ABCG5: variants seen among roughly 807,000 people sequenced by gnomAD.
ABCG5 encodes the protein ATP-binding cassette sub-family G member 5.
Under a neutral mutation model 64.5 loss-of-function variants are expected in ABCG5, and 64 were observed. That is an observed-to-expected ratio of 0.99 (90% CI 0.81 to 1.22). The LOEUF is 1.22. Ranked by LOEUF, ABCG5 falls within the 50% of genes most tolerant of loss-of-function variation. ABCG5 has a pLI of 0.00. For synonymous variants in ABCG5, 385 were observed against 326.3 expected (o/e 1.18, Z -1.94); for missense variants, 908 against 829.5 (o/e 1.09, Z -1.16).
chr2:43,825,311 C>T (rs1310463458), intron 6 of ABCG5, among the ~76,000 whole-genome samples: 1 of 152,162 alleles, frequency 6.6e-6, no homozygotes, highest in Non-Finnish European at 1.5e-5. Flanking sequence ...ACAAGCATGA[C>T]TGGACCTGGG....
Position 43,826,374 on chromosome 2 carries a change from C to A in ABCG5, c.774+8G>T. Reference sequence around the variant, plus strand: ...ATAGACCCGGCCTTTACGAGTTGAACCTCTTACCTGAAAAAGCTCAGAACG... The same window carrying A: ...ATAGACCCGGCCTTTACGAGTTGAAACTCTTACCTGAAAAAGCTCAGAACG... On this transcript the variant is annotated splice_region_variant and intron_variant, in intron 6 of 12. Coordinates refer to ENST00000405322, the MANE Select transcript of ABCG5 (RefSeq NM_022436.3). 6.2e-7 allele frequency: 1 copy of A among 1,613,934 alleles called. No individual in the cohort carries two copies. The highest frequency in any genetic ancestry group is 8.5e-7 in the Non-Finnish European group (1 of 1,179,970).
chr2:43,819,565 C>T lies in ABCG5; in HGVS notation c.1649+350G>A, dbSNP rs185727995. The stretch of plus-strand genomic sequence containing the variant: ...CAGTTCACACTCAACAGTACCAGGT[C>T]AGAAATGAACTAATGCATGCAATTT... On this transcript the variant is annotated intron_variant, in intron 11 of 12. Coordinates refer to ENST00000405322, the MANE Select transcript of ABCG5 (RefSeq NM_022436.3). 2.6e-5 allele frequency among the ~76,000 whole-genome samples: 4 copies of T among 151,742 alleles called. No individual in the cohort carries two copies. The East Asian group carries it at 7.8e-4, about 29-fold the overall frequency.
At position 43,838,016 on chromosome 2, in the gene ABCG5, G is replaced by T; in HGVS notation, c.144-61C>A. 6.2e-7 allele frequency: 1 copy of T among 1,610,234 alleles called. No individual in the cohort carries two copies. On this transcript the variant is annotated intron_variant, in intron 1 of 12. Transcript: ENST00000405322. The surrounding 1 kb of genome is among the most constrained non-coding windows in gnomAD (Gnocchi z 4.2). Reference sequence around the variant, plus strand: ...GGGGCCCTGGAAGGGGCCACACCCAGGTCCCCAGCATTGATCCTACCTGTG... The same window carrying T: ...GGGGCCCTGGAAGGGGCCACACCCATGTCCCCAGCATTGATCCTACCTGTG...
chr2:43,815,961 T>C (rs955568517), intron 11 of ABCG5, among the ~76,000 whole-genome samples: 4 of 147,204 alleles, frequency 2.7e-5, no homozygotes, highest in Non-Finnish European at 6.0e-5. Context: ...AACTATGAGA[T>C]GACAAAGGCC....
At chr2:43,811,798 G>T (rs1331904724), downstream of ABCG5, among the ~76,000 whole-genome samples, 2 of 152,118 alleles carry the variant, frequency 1.3e-5, no homozygotes, top group Non-Finnish European at 2.9e-5. Flanking sequence ...GTTTCACCAT[G>T]TTGGCCAGGA....
rs1326945779 is a variant in ABCG5, at chr2:43,826,366, G to A, written c.774+16C>T. ...AACACACCATAGACCCGGCCTTTAC[G>A]AGTTGAACCTCTTACCTGAAAAAGC... On this transcript the variant is annotated intron_variant, in intron 6 of 12. Coordinates refer to ENST00000405322, the MANE Select transcript of ABCG5 (RefSeq NM_022436.3). 11 of 1,613,610 alleles carry A rather than the reference G, an allele frequency of 6.8e-6. No homozygotes were observed. The highest frequency in any genetic ancestry group is 2.2e-5 in the South Asian group (2 of 91,052).
intron 11 of ABCG5, 95 bp downstream of exon 11, chr2:43,819,820 A>G (rs913491714): frequency 9.0e-6 from 12 of 1,340,084 alleles, no homozygotes; most frequent in African/African-American, 1.5e-5. Flanking sequence ...CATAACCACT[A>G]TCAGTTCTCT....
Position 43,813,709 on chromosome 2 carries a change from G to GTTTTTTTTTTTTTTTT in ABCG5, c.1763-416_1763-401dup, listed in dbSNP as rs1214033245. Among the ~76,000 whole-genome samples, 80 of 34,058 alleles carry GTTTTTTTTTTTTTTTT rather than the reference G, an allele frequency of 2.3e-3. 3 individuals carry two copies. Among genetic ancestry groups the GTTTTTTTTTTTTTTTT allele is most frequent in the African/African-American group, 4.0e-3 (31 of 7,822 alleles). 22.3% of individuals were successfully genotyped at this position (34,058 alleles called of 152,430 possible). A position where few individuals can be genotyped will look rare whatever the true frequency, so the allele number is the denominator to read the frequency against. ...TGTTTTTTTTGGGGTTTTTTTTTTC[G>GTTTTTTTTTTTTTTTT]TTTTTTTTTTTTTTTTTTTTTTTTT... On this transcript the variant is annotated intron_variant, in intron 12 of 12. Transcript: ENST00000405322.
Position 43,838,371 on chromosome 2 carries a change from T to G in ABCG5, c.143+166A>C. 1.4e-6 allele frequency: 1 copy of G among 693,032 alleles called. No individual in the cohort carries two copies. Among genetic ancestry groups the G allele is most frequent in the Non-Finnish European group, 2.4e-6 (1 of 419,552 alleles). 42.9% of individuals were successfully genotyped at this position (693,032 alleles called of 1,614,324 possible). On this transcript the variant is annotated intron_variant, in intron 1 of 12. Transcript: ENST00000405322. This position sits in a 1 kb window ranked among gnomAD's most constrained non-coding sequence, Gnocchi z 4.2. ...GGAGGGGCCATTCACTGTCGCTCCATGTTTCCCAGCACAGCCCTTCTCCCT... is the reference window on the plus strand; with the variant it reads ...GGAGGGGCCATTCACTGTCGCTCCAGGTTTCCCAGCACAGCCCTTCTCCCT...
intron 6 of ABCG5, 100 bp from the exon 7 acceptor site, chr2:43,825,118 C>T: frequency 7.0e-7 from 1 of 1,429,964 alleles, no homozygotes; most frequent in Non-Finnish European, 9.7e-7. Flanking sequence ...TCAGGTATTC[C>T]TTATGGTCAC....
Position 43,838,334 on chromosome 2 carries a change from C to G in ABCG5, c.143+203G>C. ...CCACTTTGTTTATGCCCAGGCCCTTCCCTGGGCAGGGGGAGGGGCCATTCA... is the reference window on the plus strand; with the variant it reads ...CCACTTTGTTTATGCCCAGGCCCTTGCCTGGGCAGGGGGAGGGGCCATTCA... On this transcript the variant is annotated intron_variant, in intron 1 of 12. Coordinates refer to ENST00000405322, the MANE Select transcript of ABCG5 (RefSeq NM_022436.3). The surrounding 1 kb of genome is among the most constrained non-coding windows in gnomAD (Gnocchi z 4.2). 1 of 625,692 alleles carries G rather than the reference C, an allele frequency of 1.6e-6. No individual in the cohort carries two copies. Among genetic ancestry groups the G allele is most frequent in the South Asian group, 2.0e-5 (1 of 50,558 alleles). 38.8% of individuals were successfully genotyped at this position (625,692 alleles called of 1,614,324 possible).
chr2:43,838,825 C>T lies in ABCG5; in HGVS notation c.-146G>A, dbSNP rs993141324. The T allele has an allele frequency of 1.4e-5, 20 of 1,450,844 alleles. No homozygotes were observed. Among genetic ancestry groups the T allele is most frequent in the African/African-American group, 5.6e-5 (4 of 70,934 alleles). 89.9% of individuals were successfully genotyped at this position (1,450,844 alleles called of 1,614,324 possible). ...GGACAGCAGGACTGGGACTTGGCCA[C>T]GGAGACCATTATCTGATGTACCTTT... On this transcript the variant is annotated 5_prime_UTR_variant, in exon 1 of 13. It adds an upstream start codon to the 5' untranslated region. Coordinates refer to ENST00000405322, the MANE Select transcript of ABCG5 (RefSeq NM_022436.3). This position sits in a 1 kb window ranked among gnomAD's most constrained non-coding sequence, Gnocchi z 4.2.
At chr2:43,828,288 G>A (rs1341856954) in intron 4 of ABCG5, 173 bp from the exon 5 acceptor site, 11 of 865,402 alleles carry the variant, frequency 1.3e-5, no homozygotes, top group East Asian at 5.3e-5. Flanking sequence ...GATCCAATTC[G>A]GCTTAAATCG....
chr2:43,831,991 G>C lies in ABCG5; in HGVS notation c.358C>G (p.Leu120Val), dbSNP rs1205879425. Reference sequence around the variant, plus strand: ...CAGTCCTGGAACTGCTCCCGGCGCAGCGCCCGGCCGTTCACATACACCTCC... The same window carrying C: ...CAGTCCTGGAACTGCTCCCGGCGCACCGCCCGGCCGTTCACATACACCTCC... The part of the protein sequence containing the change: ...LGEVYVNGRA[L>V]RREQFQDCFS... Residue 120 changes from leucine (L) to valine (V), a missense_variant, in exon 3 of 13, where the codon CTG (leucine) becomes GTG (valine). Leu to Val is a conservative substitution (Grantham distance 32). Coordinates refer to ENST00000405322, the MANE Select transcript of ABCG5 (RefSeq NM_022436.3). The C allele has an allele frequency of 1.3e-6, 2 of 1,555,270 alleles. No homozygotes were observed. Among genetic ancestry groups the C allele is most frequent in the South Asian group, 2.4e-5 (2 of 84,338 alleles).
At chr2:43,820,533 T>C (rs1667122702) in intron 10 of ABCG5, among the ~76,000 whole-genome samples, 1 of 152,238 alleles carries the variant, frequency 6.6e-6, no homozygotes, top group Non-Finnish European at 1.5e-5. Context: ...ATCTCTGTTA[T>C]ATGGGATTAT....
chr2:43,825,323 G>C (rs1047317660), intron 6 of ABCG5, among the ~76,000 whole-genome samples: 3 of 152,154 alleles, frequency 2.0e-5, no homozygotes, highest in Non-Finnish European at 2.9e-5. Context: ...GGACCTGGGC[G>C]TAAGTCCCAG....
At position 43,838,458 on chromosome 2, in the gene ABCG5, A is replaced by T. The variant is rs1668422291; in HGVS notation, c.143+79T>A. ...GAAGTGCCCAGACTGGCACTTAAAGAGTGAAGAAAGGCAGCAGAGGGGTGA... is the reference window on the plus strand; with the variant it reads ...GAAGTGCCCAGACTGGCACTTAAAGTGTGAAGAAAGGCAGCAGAGGGGTGA... On this transcript the variant is annotated intron_variant, in intron 1 of 12. Coordinates refer to ENST00000405322, the MANE Select transcript of ABCG5 (RefSeq NM_022436.3). This position sits in a 1 kb window ranked among gnomAD's most constrained non-coding sequence, Gnocchi z 4.2. 7.1e-7 allele frequency: 1 copy of T among 1,405,038 alleles called. No homozygotes were observed. The highest frequency in any genetic ancestry group is 2.0e-5 in the Admixed American group (1 of 49,808). The allele number at this position is 1,405,038 out of a possible 1,614,324, so 87.0% of individuals were successfully genotyped here. A position where few individuals can be genotyped will look rare whatever the true frequency, so the allele number is the denominator to read the frequency against.
At position 43,824,482 on chromosome 2, in the gene ABCG5, A is replaced by T. The variant is rs77969446; in HGVS notation, c.905-50T>A. 4 of 1,602,930 alleles carry T rather than the reference A, an allele frequency of 2.5e-6. No homozygotes were observed. The South Asian group carries it at 3.3e-5, about 13-fold the overall frequency. On this transcript the variant is annotated intron_variant, in intron 7 of 12. Transcript: ENST00000405322. ...CACCCATGTGTTTTTAAATGCATGTATGTACATGGATATACAATTGGTACA... is the reference window on the plus strand; with the variant it reads ...CACCCATGTGTTTTTAAATGCATGTTTGTACATGGATATACAATTGGTACA...
chr2:43,809,866 C>G, downstream of ABCG5: 1 of 1,470,404 alleles, frequency 6.8e-7, no homozygotes, highest in Non-Finnish European at 9.0e-7. Context: ...GAAAGTTAAA[C>G]TGTATAATTT....
Sources: allele counts gnomAD v4.1 joint callset (sites outside exome capture counted in the v4.1 genomes callset), GRCh38; gene constraint gnomAD v4.1.1; non-coding constraint Gnocchi (gnomAD v3.1); transcripts MANE v1.5; gene names NCBI Gene and HGNC (gene_info 2026-07-23, HGNC 2026-07-21).